The following CFAP92 variants were observed in gnomAD, a reference collection of about 807,000 sequenced individuals.
CFAP92 encodes uncharacterized protein CFAP92.
Under a neutral mutation model 106.3 loss-of-function variants are expected in CFAP92, and 86 were observed. That is an observed-to-expected ratio of 0.81 (90% CI 0.68 to 0.97). The LOEUF is 0.97. Ranked by LOEUF, CFAP92 falls within the 50% of genes least tolerant of loss-of-function variation. CFAP92 has a pLI of 0.00. For missense variants in CFAP92, 1,204 were observed against 1,283.8 expected (o/e 0.94, Z 0.95); for synonymous variants, 477 against 506.4 (o/e 0.94, Z 0.78).
In CFAP92 at chr3:128,988,603, G is replaced by A. The variant is rs1042141639; in HGVS notation, c.453+125C>T. ...CAGTGCAGATTCCCACTCAGGAGGT[G>A]GGGCCCGGGATCCTCCAATTCTAGC... On this transcript the variant is annotated intron_variant, in intron 3 of 15. Coordinates refer to ENST00000645291, the MANE Select transcript of CFAP92 (RefSeq NM_001394090.1). The A allele has an allele frequency of 4.2e-6, 4 of 957,338 alleles. No homozygotes were observed. In the African/African-American group the frequency reaches 6.6e-5, roughly 16 times the overall value. The allele number at this position is 957,338 out of a possible 1,614,324, so 59.3% of individuals were successfully genotyped here. A position where few individuals can be genotyped will look rare whatever the true frequency, so the allele number is the denominator to read the frequency against.
chr3:128,958,031 C>G (rs140034687), intron 9 of CFAP92, among the ~76,000 whole-genome samples: 67 of 152,296 alleles, frequency 4.4e-4, no homozygotes, highest in African/African-American at 1.6e-3. Flanking sequence ...CTCTGTGTGT[C>G]ACTTTGCATA....
upstream of CFAP92, among the ~76,000 whole-genome samples, chr3:128,996,030 G>A (rs1444877154): frequency 6.6e-6 from 1 of 152,198 alleles, no homozygotes; most frequent in Non-Finnish European, 1.5e-5. Context: ...GATTTCTGAG[G>A]CCAGGTCATA....
the CFAP92 span, among the ~76,000 whole-genome samples, chr3:129,012,433 C>T: frequency 5.9e-5 from 9 of 152,136 alleles, no homozygotes; most frequent in Non-Finnish European, 1.0e-4. Flanking sequence ...CTGCTTGTCC[C>T]TGCCTGGTTC....
intron 12 of CFAP92, among the ~76,000 whole-genome samples, chr3:128,923,275 G>C (rs552067968): frequency 6.6e-6 from 1 of 152,344 alleles, no homozygotes; most frequent in East Asian, 1.9e-4. Flanking sequence ...GAATCTGAAT[G>C]CGAAGATGGA....
intron 2 of CFAP92, chr3:128,991,947 A>C: frequency 1.9e-5 from 17 of 916,424 alleles, no homozygotes; most frequent in Non-Finnish European, 2.2e-5. Flanking sequence ...TTGGCCAATA[A>C]AATGCTAGCA....
chr3:128,926,769 C>A (rs1473587632), intron 12 of CFAP92, among the ~76,000 whole-genome samples: 1 of 152,046 alleles, frequency 6.6e-6, no homozygotes, highest in African/African-American at 2.4e-5. Flanking sequence ...AAGGTTGGGG[C>A]CCAGATCTGA....
chr3:128,978,936 A>G (rs1407448522), intron 4 of CFAP92, among the ~76,000 whole-genome samples: 2 of 152,240 alleles, frequency 1.3e-5, no homozygotes, highest in African/African-American at 2.4e-5. Context: ...AATGGTAACA[A>G]AAGCCAAAAT....
In CFAP92 at chr3:128,953,764, C is replaced by T. The variant is rs935551882; in HGVS notation, c.1354-7789G>A. On this transcript the variant is annotated intron_variant, in intron 9 of 15. Coordinates refer to ENST00000645291, the MANE Select transcript of CFAP92 (RefSeq NM_001394090.1). Reference sequence around the variant, plus strand: ...CCGAGTGCCTGCGATTGCAGGCACGCGCCACCACGCCTGACTGGTTTTGGT... The same window carrying T: ...CCGAGTGCCTGCGATTGCAGGCACGTGCCACCACGCCTGACTGGTTTTGGT... Among the ~76,000 whole-genome samples, 10 of 123,850 alleles carry T rather than the reference C, an allele frequency of 8.1e-5. No homozygotes were observed. In the South Asian group the frequency reaches 2.2e-3, roughly 27 times the overall value. The allele number at this position is 123,850 out of a possible 152,430, so 81.3% of individuals were successfully genotyped here. A position where few individuals can be genotyped will look rare whatever the true frequency, so the allele number is the denominator to read the frequency against.
At chr3:128,915,667 G>T in intron 13 of CFAP92, 104 bp from the exon 14 acceptor site, 1 of 752,886 alleles carries the variant, frequency 1.3e-6, no homozygotes, top group Non-Finnish European at 2.1e-6. Flanking sequence ...CATAGTTCCT[G>T]ACAATGTAAA....
chr3:128,919,325 A>G (rs1467243542), intron 12 of CFAP92, among the ~76,000 whole-genome samples: 1 of 152,140 alleles, frequency 6.6e-6, no homozygotes, highest in Non-Finnish European at 1.5e-5. Flanking sequence ...AAAGGGAGAC[A>G]GCATATACAC....
chr3:128,983,313 C>T (rs1373977197), intron 4 of CFAP92, among the ~76,000 whole-genome samples: 1 of 152,156 alleles, frequency 6.6e-6, no homozygotes, highest in East Asian at 1.9e-4. Context: ...CCTCCAAATG[C>T]GAGCATTGAG....
chr3:128,924,864 G>A (rs1222490046), intron 12 of CFAP92, among the ~76,000 whole-genome samples: 1 of 152,192 alleles, frequency 6.6e-6, no homozygotes. Context: ...CTGATACACT[G>A]CTTTCTTTCA....
intron 9 of CFAP92, among the ~76,000 whole-genome samples, chr3:128,962,295 A>T (rs1334245085): frequency 6.6e-6 from 1 of 151,960 alleles, no homozygotes; most frequent in Non-Finnish European, 1.5e-5. Context: ...CCCACTCCAC[A>T]TTACCTTCTT....
intron 15 of CFAP92, chr3:128,914,917 T>C: frequency 1.7e-6 from 1 of 582,874 alleles, no homozygotes; most frequent in South Asian, 2.3e-5. Context: ...AATGTCACAC[T>C]TGGGGCTAGA....
the CFAP92 span, among the ~76,000 whole-genome samples, chr3:129,014,773 T>C: frequency 6.6e-6 from 1 of 152,154 alleles, no homozygotes; most frequent in African/African-American, 2.4e-5. The surrounding 1 kb of genome is among the most constrained non-coding windows in gnomAD (Gnocchi z 4.3). Flanking sequence ...ATCACAGGGC[T>C]GGGCACAAGC....
chr3:128,996,262 T>A (rs183681972), upstream of CFAP92, among the ~76,000 whole-genome samples: 1 of 152,190 alleles, frequency 6.6e-6, no homozygotes, highest in African/African-American at 2.4e-5. Flanking sequence ...CTGGCTGACA[T>A]TGAGGAACAG....
chr3:128,987,711 A>G lies in CFAP92; in HGVS notation c.572T>C (p.Leu191Pro). The G allele has an allele frequency of 1.2e-6, 2 of 1,613,950 alleles. No homozygotes were observed. Among genetic ancestry groups the G allele is most frequent in the Non-Finnish European group, 1.7e-6 (2 of 1,179,826 alleles). The change falls in exon 4 of 16, where the codon CTC (leucine) becomes CCC (proline). Residue 191 changes from leucine to proline, a missense_variant. By Grantham distance (98) the Leu-to-Pro change is moderately conservative (BLOSUM62 -3). Transcript: ENST00000645291. ...TGACATCTTGTCTTTAGTGTTCCAG[A>G]GCCTCAAGGTGATTTTGTGGAAATT... Reference protein sequence around the residue: ...KINFHKITLRLWNTKDKMSRK... With the variant: ...KINFHKITLRPWNTKDKMSRK...
upstream of CFAP92, among the ~76,000 whole-genome samples, chr3:128,994,443 C>G (rs768802448): frequency 1.3e-5 from 2 of 152,152 alleles, no homozygotes; most frequent in African/African-American, 2.4e-5. Flanking sequence ...TCTGCAAACT[C>G]CAGACCTCCC....
Position 128,915,246 on chromosome 3 carries a change from A to G in CFAP92, c.3153T>C (p.Asn1051=), listed in dbSNP as rs1207623703. ...CTCGATCCAACACAGGCTCCAGTAC[A>G]TTAGCAAACAGGGAGTTTTCCTTCC... ...EEWKENSLFA[N]VLEPVLDRDR... is the part of the protein sequence containing the mutation. Residue 1051 remains asparagine, a synonymous_variant, in exon 15 of 16, where the codon AAT becomes AAC. Coordinates refer to ENST00000645291, the MANE Select transcript of CFAP92 (RefSeq NM_001394090.1). 3.3e-6 allele frequency: 5 copies of G among 1,536,032 alleles called. No homozygotes were observed. Among genetic ancestry groups the G allele is most frequent in the Non-Finnish European group, 4.4e-6 (5 of 1,146,924 alleles).
Sources: gnomAD v4.1 joint callset for allele counts (sites outside exome capture counted in the v4.1 genomes callset) on GRCh38, gnomAD v4.1.1 for gene constraint, Gnocchi (gnomAD v3.1) non-coding constraint, MANE v1.5 for transcripts, NCBI Gene and HGNC (gene_info 2026-07-23, HGNC 2026-07-21) for gene names.